CD109: variants seen among roughly 807,000 people sequenced by gnomAD.
CD109 encodes the protein CD109 antigen.
In CD109, 149 loss-of-function variants were observed where a neutral mutation model predicts 165.8. The ratio of observed to expected loss-of-function variants is 0.90; its 90% CI spans 0.79 to 1.03. The LOEUF is 1.03. Ranked by LOEUF, CD109 falls within the 50% of genes least tolerant of loss-of-function variation. The pLI, the probability that CD109 is intolerant of heterozygous loss-of-function variation, is 0.00. For missense variants in CD109, 1,712 were observed against 1,677.8 expected, an observed-to-expected ratio of 1.02 and a Z score of -0.36; for synonymous variants, 585 against 592.1, an observed-to-expected ratio of 0.99 and a Z score of 0.18.
chr6:73,710,372 A>T (rs1334620912), intron 2 of CD109, among the ~76,000 whole-genome samples: 1 of 152,194 alleles, frequency 6.6e-6, no homozygotes, highest in Admixed American at 6.5e-5. Flanking sequence ...ATACCTAGGA[A>T]TCCAACTTAC....
intron 23 of CD109, among the ~76,000 whole-genome samples, chr6:73,797,191 G>A (rs997765): frequency 0.54 from 82,298 of 151,968 alleles, 22,787 homozygotes; most frequent in African/African-American, 0.66. Context: ...TTTGTTGGTC[G>A]AAACAACAGC....
intron 2 of CD109, among the ~76,000 whole-genome samples, chr6:73,707,956 TTATCTTTATATATATA>T (rs1771347057): frequency 7.4e-6 from 1 of 134,582 alleles, no homozygotes; most frequent in Non-Finnish European, 1.5e-5. Context: ...TTTAAAATTG[TTATCTTTATATATATA>T]TATATATATA....
chr6:73,736,487 G>C lies in CD109; in HGVS notation c.612G>C (p.Trp204Cys), dbSNP rs1365563652. 2 of 1,612,634 alleles carry C rather than the reference G, an allele frequency of 1.2e-6. No homozygotes were observed. The highest frequency in any genetic ancestry group is 1.7e-6 in the Non-Finnish European group (2 of 1,179,382). Reference protein sequence around the residue: ...QLSSHPILGDWSIQVQVNDQT... With the variant: ...QLSSHPILGDCSIQVQVNDQT... ...CTTCCCATCCAATACTTGGTGACTG[G>C]TCTATTCAAGTTCAAGTGAATGTGA... The change falls in exon 5 of 33, where the codon TGG becomes TGC. Residue 204 changes from tryptophan to cysteine, a missense_variant. Physicochemically the swap from Trp to Cys is radical, Grantham distance 215. Coordinates refer to ENST00000287097, the MANE Select transcript of CD109 (RefSeq NM_133493.5).
the CD109 span, among the ~76,000 whole-genome samples, chr6:73,685,616 C>A: frequency 1.3e-5 from 2 of 151,934 alleles, no homozygotes; most frequent in Admixed American, 1.3e-4. Context: ...TGAATAAGTT[C>A]TTTAGTGGTG....
intron 22 of CD109, 120 bp from the exon 23 acceptor site, chr6:73,792,506 T>C: frequency 4.7e-6 from 4 of 849,772 alleles, no homozygotes; most frequent in Non-Finnish European, 7.6e-6. Flanking sequence ...TTCCAAGCAG[T>C]GGAATAATGA....
At chr6:73,821,222 G>A (rs1011647506) in intron 32 of CD109, among the ~76,000 whole-genome samples, 1 of 152,090 alleles carries the variant, frequency 6.6e-6, no homozygotes. Flanking sequence ...ACGAGTTAAC[G>A]GGTGCAGCAC....
chr6:73,791,209 A>G (rs1341031349), intron 22 of CD109, among the ~76,000 whole-genome samples: 1 of 133,272 alleles, frequency 7.5e-6, no homozygotes, highest in South Asian at 2.4e-4. Context: ...ATATATATAT[A>G]TATATATATA....
At chr6:73,706,995 A>G (rs1248460739) in intron 2 of CD109, among the ~76,000 whole-genome samples, 1 of 152,262 alleles carries the variant, frequency 6.6e-6, no homozygotes, top group Non-Finnish European at 1.5e-5. Context: ...CAAATTGCCT[A>G]TGGCACAATG....
At chr6:73,689,930 CTTT>C in the CD109 span, among the ~76,000 whole-genome samples, 1,379 of 152,220 alleles carry the variant, frequency 9.1e-3, 10 homozygotes, top group Middle Eastern at 0.027. Flanking sequence ...ATTAAATCTT[CTTT>C]GTCAATTCTT....
chr6:73,734,643 C>T (rs1055718783), intron 4 of CD109, among the ~76,000 whole-genome samples: 1 of 152,156 alleles, frequency 6.6e-6, no homozygotes, highest in African/African-American at 2.4e-5. Context: ...TGCTTTTGGT[C>T]TCTGGTTTTC....
intron 2 of CD109, among the ~76,000 whole-genome samples, chr6:73,717,611 C>CTTTTTTTTTT (rs779915655): frequency 5.3e-5 from 4 of 74,812 alleles, no homozygotes; most frequent in African/African-American, 1.0e-4. Flanking sequence ...TCTACTGATT[C>CTTTTTTTTTT]TTTTTTTTTT....
intron 5 of CD109, among the ~76,000 whole-genome samples, chr6:73,754,905 A>G (rs1470391105): frequency 6.6e-6 from 1 of 152,236 alleles, no homozygotes; most frequent in Middle Eastern, 3.2e-3. Flanking sequence ...TGTCTCCACC[A>G]CTAGACTCTC....
At chr6:73,773,067 AT>A (rs943625812) in intron 15 of CD109, among the ~76,000 whole-genome samples, 2 of 150,782 alleles carry the variant, frequency 1.3e-5, no homozygotes, top group African/African-American at 4.9e-5. Flanking sequence ...ATATTATTTC[AT>A]TTTTTCTTCC....
chr6:73,714,380 T>G (rs1478253742), intron 2 of CD109, among the ~76,000 whole-genome samples: 1 of 152,222 alleles, frequency 6.6e-6, no homozygotes, highest in Non-Finnish European at 1.5e-5. Flanking sequence ...TCGCCCCAGT[T>G]CAGGACAACT....
intron 2 of CD109, among the ~76,000 whole-genome samples, chr6:73,705,484 A>T (rs28455096): frequency 1.4e-5 from 2 of 138,120 alleles, no homozygotes; most frequent in African/African-American, 5.4e-5. Context: ...TACTAAAAAT[A>T]AAAAAAAGGT....
In CD109 at chr6:73,762,422, T is replaced by A; in HGVS notation, c.797T>A (p.Leu266His). Reference protein sequence around the residue: ...YGKPVKGDVTLTFLPLSFWGK... With the variant: ...YGKPVKGDVTHTFLPLSFWGK... ...AAGCCAGTGAAAGGAGACGTAACGC[T>A]TACATTTTTACCTTTATCCTTTTGG... Residue 266 changes from leucine (L) to histidine (H), a missense_variant, in exon 8 of 33, where the codon CTT becomes CAT. Physicochemically the swap from Leu to His is moderately conservative, Grantham distance 99. Transcript: ENST00000287097. The A allele has an allele frequency of 6.2e-7, 1 of 1,612,236 alleles. No homozygotes were observed. Among genetic ancestry groups the A allele is most frequent in the Non-Finnish European group, 8.5e-7 (1 of 1,178,518 alleles).
intron 15 of CD109, among the ~76,000 whole-genome samples, chr6:73,772,192 G>C (rs980358801): frequency 6.6e-6 from 1 of 152,038 alleles, no homozygotes; most frequent in African/African-American, 2.4e-5. Context: ...TTGGTTATAC[G>C]TAATGGTTAT....
chr6:73,765,677 G>A (rs1169754949), intron 10 of CD109, among the ~76,000 whole-genome samples: 1 of 152,172 alleles, frequency 6.6e-6, no homozygotes, highest in African/African-American at 2.4e-5. Flanking sequence ...AGGACACTGA[G>A]AGGATGCAGA....
intron 3 of CD109, among the ~76,000 whole-genome samples, chr6:73,725,175 A>C (rs542098308): frequency 6.6e-6 from 1 of 152,368 alleles, no homozygotes; most frequent in African/African-American, 2.4e-5. Flanking sequence ...ATTAGATTGC[A>C]TTAAAATAAC....
Sources: gnomAD v4.1 joint callset for allele counts (sites outside exome capture counted in the v4.1 genomes callset) on GRCh38, gnomAD v4.1.1 for gene constraint, MANE v1.5 for transcripts, NCBI Gene and HGNC (gene_info 2026-07-23, HGNC 2026-07-21) for gene names.